The following KALRN variants were observed in gnomAD, a reference collection of about 807,000 sequenced individuals.
The protein encoded by KALRN is kalirin RhoGEF kinase, also known as kalirin.
KALRN carries 70 observed loss-of-function variants against 353.7 expected under a neutral mutation model. The observed-to-expected ratio is 0.20, with a 90% CI of 0.16 to 0.24. The LOEUF is 0.24. Among genes scored for constraint, KALRN ranks in the 10% least tolerant of loss-of-function variants. The pLI is 1.00. For synonymous variants in KALRN, 1,391 were observed against 1,434.8 expected (o/e 0.97, Z 0.69); for missense variants, 2,791 against 3,756.7 (o/e 0.74, Z 6.72).
chr3:124,161,662 T>C (rs2069978892), intron 1 of KALRN, among the ~76,000 whole-genome samples: 1 of 152,230 alleles, frequency 6.6e-6, no homozygotes, highest in Non-Finnish European at 1.5e-5. Context: ...GGCCAGACTT[T>C]GCTCCCAGAA....
intron 1 of KALRN, among the ~76,000 whole-genome samples, chr3:124,064,755 C>T (rs1471248711): frequency 6.6e-6 from 1 of 152,208 alleles, no homozygotes; most frequent in Admixed American, 6.5e-5. Context: ...AGGTAGCTCT[C>T]TGCATCTGGA....
chr3:124,677,329 T>C (rs2087301122), intron 49 of KALRN: 1 of 209,386 alleles, frequency 4.8e-6, no homozygotes, highest in South Asian at 7.3e-5. Context: ...TCTCTGTCTT[T>C]GAGATCTGAT....
chr3:124,240,151 C>T (rs2148639534), intron 3 of KALRN, among the ~76,000 whole-genome samples: 1 of 152,258 alleles, frequency 6.6e-6, no homozygotes, highest in African/African-American at 2.4e-5. Context: ...CCCTGAAGAG[C>T]AAATAGCATT....
At chr3:124,628,418 T>C (rs2080318039) in intron 34 of KALRN, among the ~76,000 whole-genome samples, 3 of 95,210 alleles carry the variant, frequency 3.2e-5, no homozygotes, top group Non-Finnish European at 4.3e-5. Context: ...CCTCCTTCAC[T>C]CCCTCCTTCC....
intron 51 of KALRN, among the ~76,000 whole-genome samples, chr3:124,689,256 C>T (rs187082819): frequency 1.3e-5 from 2 of 152,228 alleles, no homozygotes; most frequent in East Asian, 1.9e-4. Context: ...GCCCAGGCAA[C>T]AGTTGCCCAG....
intron 37 of KALRN, among the ~76,000 whole-genome samples, chr3:124,639,123 TCA>T (rs1175728561): frequency 6.6e-6 from 1 of 152,238 alleles, no homozygotes; most frequent in Non-Finnish European, 1.5e-5. Context: ...ATCCTCGAAC[TCA>T]CACTTGGCTT....
chr3:124,409,045 A>T lies in KALRN; in HGVS notation c.2347-4425A>T, dbSNP rs114297955. On this transcript the variant is annotated intron_variant, in intron 13 of 59. Coordinates refer to ENST00000682506, the MANE Select transcript of KALRN (RefSeq NM_001388419.1). ...AAATTTTATTTTGGCACTTTCTCTG[A>T]TTTCCCTTATTGATGTCTCTAGAGT... is the stretch of plus-strand genomic sequence containing the variant. 4.3e-3 allele frequency among the ~76,000 whole-genome samples: 659 copies of T among 152,232 alleles called. 1 individual carries two copies. Among genetic ancestry groups the T allele is most frequent in the Non-Finnish European group, 7.3e-3 (498 of 68,028 alleles).
At chr3:124,454,259 G>C (rs1242000186) in intron 21 of KALRN, among the ~76,000 whole-genome samples, 2 of 152,200 alleles carry the variant, frequency 1.3e-5, no homozygotes, top group Admixed American at 6.5e-5. Context: ...TGGTACAGTG[G>C]AGAGGGAAAC....
At chr3:124,175,526 G>A (rs1043439200) in intron 1 of KALRN, among the ~76,000 whole-genome samples, 2 of 151,840 alleles carry the variant, frequency 1.3e-5, no homozygotes, top group Non-Finnish European at 2.9e-5. Flanking sequence ...CAAGTGTCCA[G>A]GCCTGTTCTC....
chr3:124,455,317 G>A lies in KALRN; in HGVS notation c.3693G>A (p.Lys1231=), dbSNP rs761769122. 1.2e-6 allele frequency: 2 copies of A among 1,614,158 alleles called. No individual in the cohort carries two copies. The highest frequency in any genetic ancestry group is 1.7e-6 in the Non-Finnish European group (2 of 1,179,994). The change falls in exon 22 of 60, where the codon AAG becomes AAA. Residue 1231 remains lysine (K), a synonymous_variant. Coordinates refer to ENST00000682506, the MANE Select transcript of KALRN (RefSeq NM_001388419.1). The part of the protein sequence containing the change: ...HYRDFSLRMG[K]YRYSLEKALG... ...GAGATTTCTCCCTGAGGATGGGAAAGTACCGATACTCACTGGAGAAAGCCC... is the reference window on the plus strand; with the variant it reads ...GAGATTTCTCCCTGAGGATGGGAAAATACCGATACTCACTGGAGAAAGCCC...
intron 33 of KALRN, among the ~76,000 whole-genome samples, chr3:124,526,764 CAG>C (rs900356788): frequency 3.3e-5 from 5 of 152,064 alleles, no homozygotes; most frequent in Non-Finnish European, 7.4e-5. Context: ...CCTCCACTAT[CAG>C]AGACTATAGA....
At chr3:124,220,716 G>C (rs1461733744) in intron 1 of KALRN, among the ~76,000 whole-genome samples, 1 of 152,122 alleles carries the variant, frequency 6.6e-6, no homozygotes, top group East Asian at 1.9e-4. Context: ...TACACAAACT[G>C]TCAGCCTGCT....
In KALRN at chr3:124,666,535, A is replaced by G; in HGVS notation, c.6432A>G (p.Lys2144=). ...ATGCAGGCATGCAGTCCCGGACCAA[A>G]GAGAGGCGCGTGTTCCTCTTCGAGC... is the stretch of plus-strand genomic sequence containing the variant. ...ELDAGMQSRT[K]ERRVFLFEQI... The change falls in exon 46 of 60, where the codon AAA becomes AAG. Residue 2144 remains lysine (K), a synonymous_variant. Transcript: ENST00000682506. The G allele has an allele frequency of 6.2e-7, 1 of 1,614,052 alleles. No homozygotes were observed. The highest frequency in any genetic ancestry group is 1.1e-5 in the South Asian group (1 of 91,072).
rs2093233799 is a variant in KALRN, at chr3:124,430,764, C to G, written c.2818C>G (p.Leu940Val). 6.2e-7 allele frequency: 1 copy of G among 1,613,944 alleles called. No homozygotes were observed. The highest frequency in any genetic ancestry group is 8.5e-7 in the Non-Finnish European group (1 of 1,179,922). ...QLQREHEQFQ[L>V]AIESLFHATS... is the part of the protein sequence containing the mutation. The stretch of plus-strand genomic sequence containing the variant: ...GCAGCGGGAGCACGAGCAGTTCCAA[C>G]TGGCCATCGAGGTAACACCCAAATC... The change falls in exon 16 of 60, where the codon CTG (leucine) becomes GTG (valine). Residue 940 changes from leucine to valine, a missense_variant. Physicochemically the swap from Leu to Val is conservative, Grantham distance 32. Transcript: ENST00000682506.
At chr3:124,463,845 A>G (rs2060081427) in intron 25 of KALRN, among the ~76,000 whole-genome samples, 1 of 152,214 alleles carries the variant, frequency 6.6e-6, no homozygotes, top group South Asian at 2.1e-4. Flanking sequence ...TTTAAAGAGA[A>G]CATAATATAT....
At chr3:124,499,109 A>G (rs1207849150) in intron 33 of KALRN, among the ~76,000 whole-genome samples, 1 of 152,118 alleles carries the variant, frequency 6.6e-6, no homozygotes, top group Non-Finnish European at 1.5e-5. Flanking sequence ...TCCTCTTACA[A>G]TCCAGAGGAA....
chr3:124,590,634 T>C (rs2075680077), intron 34 of KALRN, among the ~76,000 whole-genome samples: 1 of 152,094 alleles, frequency 6.6e-6, no homozygotes, highest in Admixed American at 6.6e-5. Flanking sequence ...TTGCACTTGA[T>C]CTTAGCCAAA....
At chr3:124,665,638 T>C (rs1047887001) in intron 45 of KALRN, among the ~76,000 whole-genome samples, 26 of 152,076 alleles carry the variant, frequency 1.7e-4, no homozygotes, top group Admixed American at 5.2e-4. Context: ...CTAATTTTTA[T>C]ATTTTTAGTA....
intron 1 of KALRN, among the ~76,000 whole-genome samples, chr3:124,130,187 C>T (rs1012317757): frequency 1.3e-5 from 2 of 152,214 alleles, no homozygotes; most frequent in Middle Eastern, 3.4e-3. Flanking sequence ...TTAATATTTT[C>T]CAGGACAGAG....
Sources: allele counts gnomAD v4.1 joint callset (sites outside exome capture counted in the v4.1 genomes callset), GRCh38; gene constraint gnomAD v4.1.1; transcripts MANE v1.5; gene names NCBI Gene and HGNC (gene_info 2026-07-23, HGNC 2026-07-21).